The following DNAH3 variants were observed in gnomAD, a reference collection of about 807,000 sequenced individuals.
DNAH3 encodes axonemal beta dynein heavy chain 3.
Under a neutral mutation model 432.5 loss-of-function variants are expected in DNAH3, and 332 were observed. The observed-to-expected ratio is 0.77, with a 90% CI of 0.70 to 0.84. DNAH3 has a LOEUF of 0.84. Among genes scored for constraint, DNAH3 ranks in the 40% least tolerant of loss-of-function variants. The pLI, the probability that DNAH3 is intolerant of heterozygous loss-of-function variation, is 0.00. For synonymous variants in DNAH3, 1,956 were observed against 1,900.2 expected (o/e 1.03, Z -0.76); for missense variants, 4,861 against 5,114.0 (o/e 0.95, Z 1.51).
chr16:21,014,951 TAG>T (rs1386563872), intron 41 of DNAH3, among the ~76,000 whole-genome samples: 1 of 152,056 alleles, frequency 6.6e-6, no homozygotes, highest in East Asian at 1.9e-4. Context: ...TCTAAATAAA[TAG>T]AGAGATAATC....
chr16:21,060,211 T>G (rs905953215), intron 26 of DNAH3, 53 bp downstream of exon 26: 2 of 1,425,718 alleles, frequency 1.4e-6, no homozygotes, highest in Non-Finnish European at 2.0e-6. Context: ...TTCTCCCCAA[T>G]GTTCTCTTTA....
intron 41 of DNAH3, among the ~76,000 whole-genome samples, chr16:21,018,758 G>A (rs984025276): frequency 6.6e-6 from 1 of 151,978 alleles, no homozygotes; most frequent in African/African-American, 2.4e-5. Flanking sequence ...AGCCAGGCGT[G>A]GTGGTGCATG....
chr16:21,118,349 A>G (rs1439838614), intron 11 of DNAH3, among the ~76,000 whole-genome samples: 1 of 152,206 alleles, frequency 6.6e-6, no homozygotes, highest in Non-Finnish European at 1.5e-5. Context: ...TTCTCCTCTA[A>G]GCCCAGAGAA....
intron 30 of DNAH3, 62 bp downstream of exon 30, chr16:21,049,848 C>T (rs190840318): frequency 2.1e-6 from 3 of 1,446,022 alleles, no homozygotes; most frequent in Admixed American, 3.4e-5. Context: ...ATGCCTACTT[C>T]CCACAGGAGG....
intron 16 of DNAH3, among the ~76,000 whole-genome samples, chr16:21,100,212 T>C (rs569608819): frequency 2.1e-4 from 32 of 152,176 alleles, no homozygotes; most frequent in African/African-American, 7.2e-4. Context: ...GCTGAGATTA[T>C]AGGTGCCCGC....
At chr16:21,005,727 C>T (rs1162551533) in intron 41 of DNAH3, among the ~76,000 whole-genome samples, 1 of 151,696 alleles carries the variant, frequency 6.6e-6, no homozygotes. Context: ...TCAACTCTCT[C>T]AGCTCTTACG....
At chr16:21,106,510 A>C in exon 15 of DNAH3, 4 of 1,607,978 alleles carry the variant, frequency 2.5e-6, no homozygotes, top group Non-Finnish European at 3.4e-6. Flanking sequence ...TGCATAGTCC[A>C]TCAGGAACTC....
chr16:21,115,350 C>T (rs2092164971), intron 12 of DNAH3, among the ~76,000 whole-genome samples: 1 of 150,920 alleles, frequency 6.6e-6, no homozygotes, highest in Non-Finnish European at 1.5e-5. Context: ...ATGTAACAAA[C>T]CTGCACGTTG....
chr16:21,094,181 C>T (rs1298794413), intron 18 of DNAH3, among the ~76,000 whole-genome samples: 1 of 152,004 alleles, frequency 6.6e-6, no homozygotes, highest in African/African-American at 2.4e-5. Context: ...TTTATAAAGA[C>T]CTCACAAAAC....
At chr16:20,964,655 G>A (rs372316224) in exon 53 of DNAH3, 137 of 1,614,050 alleles carry the variant, frequency 8.5e-5, no homozygotes, top group Admixed American at 1.7e-4. Flanking sequence ...AAGGCCCAGC[G>A]TCTGGAATTG....
In DNAH3 at chr16:20,977,251, C is replaced by T. The variant is rs983884337; in HGVS notation, c.8077-1836G>A. Among the ~76,000 whole-genome samples, 5 of 152,126 alleles carry T rather than the reference C, an allele frequency of 3.3e-5. No homozygotes were observed. In the East Asian group the frequency reaches 9.6e-4, roughly 29 times the overall value. On this transcript the variant is annotated intron_variant, in intron 50 of 61. Transcript: ENST00000261383. ...AATTAGCCAGGCGCTGTGGCACGTGCCTGTAATCCCAGCTACTCGGGAGAC... is the reference window on the plus strand; with the variant it reads ...AATTAGCCAGGCGCTGTGGCACGTGTCTGTAATCCCAGCTACTCGGGAGAC...
chr16:21,041,269 G>A (rs1307931852), intron 32 of DNAH3, among the ~76,000 whole-genome samples: 1 of 152,112 alleles, frequency 6.6e-6, no homozygotes, highest in African/African-American at 2.4e-5. Flanking sequence ...TACTCAGGAA[G>A]CTGAGGCAGG....
At chr16:21,141,252 G>T (rs530043924) in intron 4 of DNAH3, 48 bp downstream of exon 5, 2 of 1,349,602 alleles carry the variant, frequency 1.5e-6, no homozygotes, top group East Asian at 2.5e-5. Flanking sequence ...ACATCCTTCT[G>T]TTCAGCCCAC....
intron 57 of DNAH3, among the ~76,000 whole-genome samples, chr16:20,945,946 C>T (rs1181321345): frequency 1.3e-5 from 2 of 152,198 alleles, no homozygotes; most frequent in Non-Finnish European, 2.9e-5. Context: ...TCTGAAACCC[C>T]AGTTTCCTTA....
chr16:20,998,989 G>A (rs2086892727), intron 43 of DNAH3, among the ~76,000 whole-genome samples: 1 of 152,166 alleles, frequency 6.6e-6, no homozygotes, highest in Admixed American at 6.5e-5. Context: ...GGGCATGGTG[G>A]TTCACACCTG....
In DNAH3 at chr16:21,096,982, A is replaced by T. The variant is rs568167270; in HGVS notation, c.2665+373T>A. ...TAAGTCCTGTTGATTCCAACTCCTC[A>T]ATACCTTTCTGGACCCCAGATCCTA... On this transcript the variant is annotated intron_variant, in intron 18 of 61. Coordinates refer to ENST00000261383, the Ensembl canonical transcript of DNAH3. Among the ~76,000 whole-genome samples the T allele has an allele frequency of 2.6e-5, 4 of 152,232 alleles. No homozygotes were observed. In the East Asian group the frequency reaches 7.7e-4, roughly 29 times the overall value.
chr16:20,945,406 T>C (rs1226228407), intron 57 of DNAH3, among the ~76,000 whole-genome samples: 1 of 152,156 alleles, frequency 6.6e-6, no homozygotes, highest in East Asian at 1.9e-4. Context: ...TTGTTTAGCA[T>C]ATAATCAAGA....
intron 31 of DNAH3, among the ~76,000 whole-genome samples, chr16:21,047,901 A>G (rs1597236216): frequency 6.6e-6 from 1 of 150,586 alleles, no homozygotes; most frequent in East Asian, 2.0e-4. Context: ...AACAGAGAGG[A>G]CCCTCAGCTG....
chr16:20,940,927 C>T (rs2083782689), intron 59 of DNAH3, among the ~76,000 whole-genome samples: 1 of 152,010 alleles, frequency 6.6e-6, no homozygotes. Flanking sequence ...AACTCCATCT[C>T]TATAAAAAAT....
Sources: gnomAD v4.1 joint callset for allele counts (sites outside exome capture counted in the v4.1 genomes callset) on GRCh38, gnomAD v4.1.1 for gene constraint, MANE v1.5 for transcripts, NCBI Gene and HGNC (gene_info 2026-07-23, HGNC 2026-07-21) for gene names.